MEF2A: variants seen among roughly 807,000 people sequenced by gnomAD.
The protein encoded by MEF2A is myocyte-specific enhancer factor 2A.
A neutral mutation model predicts 55.8 loss-of-function variants in MEF2A; 28 were observed. The ratio of observed to expected loss-of-function variants is 0.50; its 90% CI spans 0.37 to 0.69. MEF2A has a LOEUF of 0.69. Among genes scored for constraint, MEF2A ranks in the 30% least tolerant of loss-of-function variants. The pLI, the probability that MEF2A is intolerant of heterozygous loss-of-function variation, is 0.00. For missense variants in MEF2A, 528 were observed against 626.2 expected (o/e 0.84, Z 1.67); for synonymous variants, 239 against 227.1 (o/e 1.05, Z -0.47).
chr15:99,633,000 T>C lies in MEF2A; in HGVS notation c.-120T>C, dbSNP rs2043181189. 2 of 713,024 alleles carry C rather than the reference T, an allele frequency of 2.8e-6. No individual in the cohort carries two copies. Among genetic ancestry groups the C allele is most frequent in the African/African-American group, 1.9e-5 (1 of 53,608 alleles). The allele number at this position is 713,024 out of a possible 1,614,324, so 44.2% of individuals were successfully genotyped here. On this transcript the variant is annotated 5_prime_UTR_variant, in exon 3 of 12. Coordinates refer to ENST00000557942, the MANE Select transcript of MEF2A (RefSeq NM_001319206.4). Reference sequence around the variant, plus strand: ...TAGATCTTGTAGAAAATTTCAGCTGTAGCCCTTGGACTAGAAGCTGAAATA... The same window carrying C: ...TAGATCTTGTAGAAAATTTCAGCTGCAGCCCTTGGACTAGAAGCTGAAATA...
At chr15:99,687,866 A>G (rs1343736515) in intron 7 of MEF2A, among the ~76,000 whole-genome samples, 3 of 152,208 alleles carry the variant, frequency 2.0e-5, no homozygotes, top group Non-Finnish European at 4.4e-5. Context: ...TCCCAGGGGC[A>G]CAGTACTGTA....
At chr15:99,645,976 G>T (rs2045901034) in intron 4 of MEF2A, 3 of 420,148 alleles carry the variant, frequency 7.1e-6, no homozygotes, top group East Asian at 7.2e-5. Flanking sequence ...AAACTATGTT[G>T]TTTTACCATG....
chr15:99,702,391 T>C (rs983647870), intron 8 of MEF2A, among the ~76,000 whole-genome samples: 16 of 152,236 alleles, frequency 1.1e-4, no homozygotes, highest in African/African-American at 3.6e-4. Flanking sequence ...CATGTTAATA[T>C]TTTCTAAATG....
At chr15:99,605,011 G>A (rs906001884) in intron 2 of MEF2A, among the ~76,000 whole-genome samples, 2 of 152,092 alleles carry the variant, frequency 1.3e-5, no homozygotes, top group African/African-American at 2.4e-5. Context: ...AGTGGTGTGA[G>A]CTCTGCTCAC....
chr15:99,678,653 T>G, intron 7 of MEF2A: 1 of 985,024 alleles, frequency 1.0e-6, no homozygotes, highest in Non-Finnish European at 1.2e-6. Context: ...TTCAGGCCCA[T>G]GTACTGCTAA....
intron 8 of MEF2A, among the ~76,000 whole-genome samples, chr15:99,701,601 C>T (rs1039299964): frequency 2.0e-5 from 3 of 152,162 alleles, no homozygotes; most frequent in Non-Finnish European, 2.9e-5. Flanking sequence ...TTATTAGTTT[C>T]GACAACTGCA....
intron 8 of MEF2A, among the ~76,000 whole-genome samples, chr15:99,693,995 T>C (rs2055987663): frequency 6.6e-6 from 1 of 152,232 alleles, no homozygotes; most frequent in East Asian, 1.9e-4. Flanking sequence ...ATTGAACCAC[T>C]ACTGATACGT....
At chr15:99,668,059 CA>C (rs138828689) in intron 4 of MEF2A, among the ~76,000 whole-genome samples, 9 of 144,030 alleles carry the variant, frequency 6.2e-5, no homozygotes, top group South Asian at 2.2e-4. Flanking sequence ...TGGCCCAAGT[CA>C]AAAAAAAAAC....
intron 2 of MEF2A, among the ~76,000 whole-genome samples, chr15:99,629,042 G>A (rs2042495847): frequency 6.9e-6 from 1 of 144,244 alleles, no homozygotes; most frequent in Non-Finnish European, 1.5e-5. Flanking sequence ...CCATTTCACT[G>A]TCTTCTGGCT....
intron 3 of MEF2A, among the ~76,000 whole-genome samples, chr15:99,636,496 C>T (rs2043866556): frequency 6.6e-6 from 1 of 151,630 alleles, no homozygotes; most frequent in Non-Finnish European, 1.5e-5. Flanking sequence ...CGGGCATGTA[C>T]CACTAGGGCC....
chr15:99,580,380 G>GCAC (rs1347304994), intron 1 of MEF2A, among the ~76,000 whole-genome samples: 2 of 152,112 alleles, frequency 1.3e-5, no homozygotes, highest in Non-Finnish European at 2.9e-5. Flanking sequence ...AGATACACTT[G>GCAC]CACCACTGTG....
At chr15:99,700,171 T>C (rs1479328300) in intron 8 of MEF2A, among the ~76,000 whole-genome samples, 9 of 90,572 alleles carry the variant, frequency 9.9e-5, no homozygotes, top group Admixed American at 4.6e-4. Flanking sequence ...CACATACGTA[T>C]ATATGTGTGT....
At chr15:99,697,646 G>C (rs1215843315) in intron 8 of MEF2A, among the ~76,000 whole-genome samples, 2 of 152,212 alleles carry the variant, frequency 1.3e-5, no homozygotes, top group African/African-American at 4.8e-5. Context: ...TTGTCAAGAT[G>C]TCATTTCTTC....
At chr15:99,705,331 G>C (rs945685881) in intron 9 of MEF2A, among the ~76,000 whole-genome samples, 2 of 152,150 alleles carry the variant, frequency 1.3e-5, no homozygotes, top group African/African-American at 4.8e-5. Flanking sequence ...TGGGACAGAG[G>C]GTTTCTTAGG....
chr15:99,663,636 C>T (rs2049057809), intron 4 of MEF2A, among the ~76,000 whole-genome samples: 1 of 151,850 alleles, frequency 6.6e-6, no homozygotes, highest in African/African-American at 2.4e-5. Flanking sequence ...TATAGAATTT[C>T]TTGCTGAGTA....
chr15:99,609,482 T>C (rs1335733705), intron 2 of MEF2A, among the ~76,000 whole-genome samples: 1 of 152,192 alleles, frequency 6.6e-6, no homozygotes, highest in Non-Finnish European at 1.5e-5. Context: ...TTTATGTTTT[T>C]GTTATCGAAT....
intron 10 of MEF2A, among the ~76,000 whole-genome samples, chr15:99,707,229 A>G (rs1413343153): frequency 6.6e-6 from 1 of 152,164 alleles, no homozygotes; most frequent in Non-Finnish European, 1.5e-5. Flanking sequence ...TTTTAAAATA[A>G]GATGTTTGTC....
At chr15:99,663,419 T>C (rs1052237190) in intron 4 of MEF2A, among the ~76,000 whole-genome samples, 2 of 152,086 alleles carry the variant, frequency 1.3e-5, no homozygotes, top group African/African-American at 4.8e-5. Context: ...GAAAACACTT[T>C]TAACATATGC....
intron 2 of MEF2A, among the ~76,000 whole-genome samples, chr15:99,626,556 T>C (rs1347740594): frequency 6.6e-6 from 1 of 152,180 alleles, no homozygotes; most frequent in East Asian, 1.9e-4. Context: ...TTAATTTTTA[T>C]GGCTTTATAT....
Sources: allele counts gnomAD v4.1 joint callset (sites outside exome capture counted in the v4.1 genomes callset), GRCh38; gene constraint gnomAD v4.1.1; transcripts MANE v1.5; gene names NCBI Gene and HGNC (gene_info 2026-07-23, HGNC 2026-07-21).